Variants in ZNF331 observed in about 807,000 individuals in gnomAD.
ZNF331 encodes zinc finger protein 331, also known as C2H2-like zinc finger protein rearranged in thyroid adenomas.
A neutral mutation model predicts 7.0 loss-of-function variants in ZNF331; 2 were observed. The ratio of observed to expected loss-of-function variants is 0.29; its 90% CI spans 0.12 to 0.90. ZNF331 has a LOEUF of 0.90. Among genes scored for constraint, ZNF331 ranks in the 40% least tolerant of loss-of-function variants. ZNF331 has a pLI of 0.58. For missense variants in ZNF331, 432 were observed against 587.7 expected (o/e 0.74, Z 2.74); for synonymous variants, 196 against 205.4 (o/e 0.95, Z 0.39).
At chr19:53,543,236 G>A (rs918692435) in intron 2 of ZNF331, among the ~76,000 whole-genome samples, 1 of 152,122 alleles carries the variant, frequency 6.6e-6, no homozygotes, top group African/African-American at 2.4e-5. Flanking sequence ...ACCAACCTGG[G>A]CAACATGGTG....
At chr19:53,523,623 A>G (rs950648711) in intron 2 of ZNF331, 2 of 149,834 alleles carry the variant, frequency 1.3e-5, no homozygotes, top group East Asian at 1.9e-4. Context: ...GTTTGCAAAT[A>G]TTTCCTTCTA....
In ZNF331 at chr19:53,578,174, C is replaced by A; in HGVS notation, c.*222C>A. ...GTCATCCCTTGGTCCAGCACATCCA[C>A]GCTGTATACGCCACCCACCCTGCTA... On this transcript the variant is annotated 3_prime_UTR_variant, in exon 6 of 6. Transcript: ENST00000449416. 5.5e-6 allele frequency: 3 copies of A among 543,772 alleles called. No individual in the cohort carries two copies. The highest frequency in any genetic ancestry group is 9.7e-6 in the Non-Finnish European group (3 of 309,306). The allele number at this position is 543,772 out of a possible 1,614,324, so 33.7% of individuals were successfully genotyped here. A position where few individuals can be genotyped will look rare whatever the true frequency, so the allele number is the denominator to read the frequency against.
chr19:53,544,119 C>G (rs1403917327), intron 2 of ZNF331, among the ~76,000 whole-genome samples: 1 of 150,934 alleles, frequency 6.6e-6, no homozygotes, highest in Non-Finnish European at 1.5e-5. Flanking sequence ...CCCAGCTACT[C>G]GGGAGGCTGA....
chr19:53,553,905 G>A (rs2089181086), intron 2 of ZNF331, among the ~76,000 whole-genome samples: 1 of 152,226 alleles, frequency 6.6e-6, no homozygotes, highest in Non-Finnish European at 1.5e-5. Flanking sequence ...CCGGGAACGG[G>A]CGTCTGCAGG....
In ZNF331 at chr19:53,577,214, A is replaced by G; in HGVS notation, c.654A>G (p.Lys218=). 1 of 1,613,812 alleles carries G rather than the reference A, an allele frequency of 6.2e-7. No individual in the cohort carries two copies. Among genetic ancestry groups the G allele is most frequent in the Non-Finnish European group, 8.5e-7 (1 of 1,179,962 alleles). The change falls in exon 6 of 6, where the codon AAA becomes AAG. Residue 218 remains lysine (K), a synonymous_variant. Transcript: ENST00000449416. ...CTGGTGAAAAACCCTATGAATGTAAAGACTGTGGAAAGGCCTTTCGGCGTG... is the reference window on the plus strand; with the variant it reads ...CTGGTGAAAAACCCTATGAATGTAAGGACTGTGGAAAGGCCTTTCGGCGTG... ...IHTGEKPYEC[K]DCGKAFRRGD... is the part of the protein sequence containing the mutation.
chr19:53,546,541 T>TAA (rs915248440), intron 2 of ZNF331, among the ~76,000 whole-genome samples: 1 of 124,348 alleles, frequency 8.0e-6, no homozygotes, highest in Non-Finnish European at 1.7e-5. Context: ...AAATCCCCCC[T>TAA]AAAAAAAAAA....
At chr19:53,510,779 A>AT in the ZNF331 span, among the ~76,000 whole-genome samples, 38,867 of 151,846 alleles carry the variant, frequency 0.26, 5,181 homozygotes, top group African/African-American at 0.29. Context: ...TATAATATTG[A>AT]TTTTTTTTAC....
At chr19:53,556,971 CTTTTTTTTTTT>C (rs59869542) in intron 3 of ZNF331, among the ~76,000 whole-genome samples, 23 of 69,626 alleles carry the variant, frequency 3.3e-4, no homozygotes, top group South Asian at 1.2e-3. Context: ...ACACCTGGCT[CTTTTTTTTTTT>C]TTTTTTTTTT....
At chr19:53,524,736 T>A (rs2087227889) in intron 2 of ZNF331, among the ~76,000 whole-genome samples, 1 of 152,328 alleles carries the variant, frequency 6.6e-6, no homozygotes, top group African/African-American at 2.4e-5. Context: ...CTGATAGTAG[T>A]TTCTTTTGCT....
chr19:53,506,064 A>G, the ZNF331 span, among the ~76,000 whole-genome samples: 3,672 of 147,656 alleles, frequency 0.025, 150 homozygotes, highest in African/African-American at 0.088. Flanking sequence ...GGCTGGGTGC[A>G]GTGGCTAGTG....
At chr19:53,533,049 T>C (rs924010601) in intron 2 of ZNF331, among the ~76,000 whole-genome samples, 11 of 150,500 alleles carry the variant, frequency 7.3e-5, no homozygotes, top group African/African-American at 2.4e-4. Context: ...TTCATTACTA[T>C]GAGTGTCATT....
the ZNF331 span, among the ~76,000 whole-genome samples, chr19:53,507,797 A>T: frequency 6.6e-6 from 1 of 152,192 alleles, no homozygotes; most frequent in African/African-American, 2.4e-5. Flanking sequence ...CCAGGAGTTC[A>T]AGACCAGCCT....
chr19:53,509,348 A>G, the ZNF331 span, among the ~76,000 whole-genome samples: 1 of 152,188 alleles, frequency 6.6e-6, no homozygotes, highest in Non-Finnish European at 1.5e-5. Context: ...CCAGCCTCCA[A>G]CATAGCCTGA....
the ZNF331 span, among the ~76,000 whole-genome samples, chr19:53,509,433 AG>A: frequency 8.2e-6 from 1 of 121,436 alleles, no homozygotes; most frequent in East Asian, 2.1e-4. Flanking sequence ...GGGGTCTCTC[AG>A]AACAGATTGC....
chr19:53,530,558 G>C (rs982624462), intron 2 of ZNF331, among the ~76,000 whole-genome samples: 1 of 152,162 alleles, frequency 6.6e-6, no homozygotes, highest in Admixed American at 6.6e-5. Context: ...AGACCAATAG[G>C]GTAAGGCGAA....
chr19:53,579,693 C>T lies in ZNF331; in HGVS notation c.*1741C>T, dbSNP rs759107978. ...AGAAAACATTAAGAGATTATTGGCA[C>T]AGCCGTGGGTTACGCAATGATTTCT... On this transcript the variant is annotated 3_prime_UTR_variant, in exon 6 of 6. Transcript: ENST00000449416. 5 of 199,276 alleles carry T rather than the reference C, an allele frequency of 2.5e-5. No individual in the cohort carries two copies. Among genetic ancestry groups the T allele is most frequent in the Non-Finnish European group, 5.2e-5 (5 of 96,574 alleles). 12.3% of individuals were successfully genotyped at this position (199,276 alleles called of 1,614,324 possible). A position where few individuals can be genotyped will look rare whatever the true frequency, so the allele number is the denominator to read the frequency against.
At chr19:53,528,267 C>G (rs1026459030) in intron 2 of ZNF331, among the ~76,000 whole-genome samples, 3 of 152,144 alleles carry the variant, frequency 2.0e-5, no homozygotes, top group African/African-American at 7.2e-5. Flanking sequence ...TGCTTAACAT[C>G]AGGCTTGGAA....
chr19:53,543,759 A>C (rs11880382), intron 2 of ZNF331, among the ~76,000 whole-genome samples: 69,143 of 151,976 alleles, frequency 0.45, 16,997 homozygotes, highest in African/African-American at 0.64. Flanking sequence ...ACCATGTAGT[A>C]CTTTTATTAC....
At chr19:53,521,331 A>AGTGAGTGAGTGT (rs779905191) in exon 1 of ZNF331, 1 of 129,114 alleles carries the variant, frequency 7.7e-6, no homozygotes, top group Non-Finnish European at 1.7e-5. Context: ...AGTGTGTGTG[A>AGTGAGTGAGTGT]GTGTGTGTGT....
Sources: gnomAD v4.1 joint callset for allele counts (sites outside exome capture counted in the v4.1 genomes callset) on GRCh38, gnomAD v4.1.1 for gene constraint, MANE v1.5 for transcripts, NCBI Gene and HGNC (gene_info 2026-07-23, HGNC 2026-07-21) for gene names.